NOTCH2NLC: variants seen among roughly 807,000 people sequenced by gnomAD.
The protein encoded by NOTCH2NLC is notch homolog 2 N-terminal-like protein C.
NOTCH2NLC carries 4 observed loss-of-function variants against 17.7 expected under a neutral mutation model. The ratio of observed to expected loss-of-function variants is 0.23; its 90% CI spans 0.11 to 0.52. The LOEUF is 0.52. NOTCH2NLC is among the 20% of genes least tolerant of loss of function. The probability of loss-of-function intolerance (pLI) is 0.96; values close to 1 mark genes in which losing one functional copy is unlikely to be tolerated. For missense variants in NOTCH2NLC, 57 were observed against 207.2 expected (o/e 0.28, Z 4.45); for synonymous variants, 18 against 86.0 (o/e 0.21, Z 4.38).
chr1:149,438,969 G>C (rs1326781145), intron 2 of NOTCH2NLC, among the ~76,000 whole-genome samples: 1 of 148,118 alleles, frequency 6.8e-6, no homozygotes, highest in Non-Finnish European at 1.5e-5. Context: ...TCCCACTTCT[G>C]CCTCCCAAAG....
At chr1:149,435,485 A>G (rs1241272376) in intron 2 of NOTCH2NLC, among the ~76,000 whole-genome samples, 4 of 149,302 alleles carry the variant, frequency 2.7e-5, no homozygotes, top group East Asian at 4.1e-4. Context: ...CTTAGTCATG[A>G]GATAGGGCTC....
At chr1:149,429,910 A>G (rs1198482733) in intron 1 of NOTCH2NLC, among the ~76,000 whole-genome samples, 1 of 150,802 alleles carries the variant, frequency 6.6e-6, no homozygotes, top group African/African-American at 2.4e-5. Context: ...CTTCCAAGAA[A>G]GAGTTCATGA....
intron 1 of NOTCH2NLC, among the ~76,000 whole-genome samples, chr1:149,414,438 G>A (rs2084318725): frequency 1.3e-5 from 2 of 149,970 alleles, no homozygotes; most frequent in South Asian, 4.3e-4. Context: ...GCATTTTTCT[G>A]GCATACTGTA....
Position 149,464,764 on chromosome 1 carries a change from CA to C in NOTCH2NLC, c.*615del, listed in dbSNP as rs1165499442. 1 of 151,176 alleles carries C rather than the reference CA, an allele frequency of 6.6e-6. No homozygotes were observed. Among genetic ancestry groups the C allele is most frequent in the African/African-American group, 2.4e-5 (1 of 41,060 alleles). The allele number at this position is 151,176 out of a possible 1,614,324, so 9.4% of individuals were successfully genotyped here. ...TATACAAATATCCTTAGTACAAAAA[CA>C]AAAGAAGGAAAACTGTAGGGGGGAG... On this transcript the variant is annotated 3_prime_UTR_variant, in exon 5 of 5. Transcript: ENST00000650865.
chr1:149,420,031 T>C (rs2084370564), intron 1 of NOTCH2NLC, among the ~76,000 whole-genome samples: 2 of 145,902 alleles, frequency 1.4e-5, no homozygotes, highest in Admixed American at 6.9e-5. Context: ...CATGCCCAGC[T>C]AATTTTTTTT....
intron 2 of NOTCH2NLC, among the ~76,000 whole-genome samples, chr1:149,450,114 T>TCAGGCCAGACA (rs2084583277): frequency 6.9e-6 from 1 of 145,120 alleles, no homozygotes; most frequent in Non-Finnish European, 1.5e-5. Context: ...GGGCATATGT[T>TCAGGCCAGACA]TTCAGTTATC....
chr1:149,432,559 A>C (rs1419665916), intron 2 of NOTCH2NLC, among the ~76,000 whole-genome samples: 1 of 151,020 alleles, frequency 6.6e-6, no homozygotes, highest in Non-Finnish European at 1.5e-5. Context: ...TAGGCCACTG[A>C]AATCTTGTTT....
Position 149,445,859 on chromosome 1 carries a change from TTTG to T in NOTCH2NLC, c.210-9447_210-9445del, listed in dbSNP as rs1250000797. Among the ~76,000 whole-genome samples, 539 of 147,850 alleles carry T rather than the reference TTTG, an allele frequency of 3.6e-3. 5 individuals are homozygous for T. The highest frequency in any genetic ancestry group is 0.01 in the African/African-American group (415 of 40,298). The stretch of plus-strand genomic sequence containing the variant: ...CTTCTTGTATGTGGTGGGGTTTTGC[TTTG>T]TTGTTGTTGTTTTTTTTTGAATGGC... On this transcript the variant is annotated intron_variant, in intron 2 of 4. Transcript: ENST00000650865.
chr1:149,415,869 C>T (rs1241818243), intron 1 of NOTCH2NLC, among the ~76,000 whole-genome samples: 6 of 149,618 alleles, frequency 4.0e-5, no homozygotes, highest in African/African-American at 1.5e-4. Flanking sequence ...CCTTAGATTT[C>T]TATCACCAAA....
chr1:149,420,130 A>G (rs1181757010), intron 1 of NOTCH2NLC, among the ~76,000 whole-genome samples: 1 of 150,172 alleles, frequency 6.7e-6, no homozygotes, highest in Non-Finnish European at 1.5e-5. Context: ...TCGGCCTCCC[A>G]AAGTGCTGGG....
chr1:149,400,110 ATT>A (rs1226215795), intron 1 of NOTCH2NLC, among the ~76,000 whole-genome samples: 4 of 138,110 alleles, frequency 2.9e-5, no homozygotes, highest in African/African-American at 1.1e-4. Context: ...CTGTTGATTT[ATT>A]TATATATATA....
intron 2 of NOTCH2NLC, among the ~76,000 whole-genome samples, chr1:149,445,617 G>T (rs1460754318): frequency 1.6e-4 from 24 of 150,968 alleles, no homozygotes; most frequent in African/African-American, 2.4e-4. Context: ...AGAGGCCCAG[G>T]GCAAGAAGAA....
chr1:149,419,881 T>TTTTTTC (rs1250543021), intron 1 of NOTCH2NLC, among the ~76,000 whole-genome samples: 3 of 118,394 alleles, frequency 2.5e-5, no homozygotes, highest in Non-Finnish European at 5.4e-5. Flanking sequence ...TTTTTTTTTT[T>TTTTTTC]CCTCAGGCAG....
intron 1 of NOTCH2NLC, among the ~76,000 whole-genome samples, chr1:149,410,473 A>G (rs1252138387): frequency 2.1e-5 from 3 of 144,008 alleles, no homozygotes; most frequent in Non-Finnish European, 3.1e-5. Flanking sequence ...CTAGTGATAC[A>G]AATATGTGTT....
intron 2 of NOTCH2NLC, among the ~76,000 whole-genome samples, chr1:149,437,262 C>T (rs2084487736): frequency 7.8e-6 from 1 of 128,080 alleles, no homozygotes; most frequent in Non-Finnish European, 1.7e-5. Flanking sequence ...ACTCACTAAT[C>T]AAAATAATGT....
rs1238674857 is a variant in NOTCH2NLC at position 149,408,546 on chromosome 1, C to T, written c.135+17624C>T. Among the ~76,000 whole-genome samples the T allele has an allele frequency of 3.3e-5, 5 of 150,564 alleles. 1 individual carries two copies. The Admixed American group carries it at 3.3e-4, about 10-fold the overall frequency. ...AATGTTTTGTTATGGTAGTTTTACA[C>T]ATACACCCACAAGGAAATGTGTATC... is the stretch of plus-strand genomic sequence containing the variant. On this transcript the variant is annotated intron_variant, in intron 1 of 4. Transcript: ENST00000650865.
intron 2 of NOTCH2NLC, among the ~76,000 whole-genome samples, chr1:149,447,173 A>T: frequency 6.7e-6 from 1 of 150,158 alleles, no homozygotes; most frequent in Non-Finnish European, 1.5e-5. Context: ...TTGAACAGGG[A>T]TTTGCAAGTT....
Position 149,413,860 on chromosome 1 carries a change from A to G in NOTCH2NLC, c.136-17082A>G, listed in dbSNP as rs1169495405. ...TTTCAGCATGGTGAGGTGATGATAC[A>G]TGTTGGTCCCCCATGCAGAATGCTG... On this transcript the variant is annotated intron_variant, in intron 1 of 4. Coordinates refer to ENST00000650865, the MANE Select transcript of NOTCH2NLC (RefSeq NM_001364013.2). Among the ~76,000 whole-genome samples the G allele has an allele frequency of 8.6e-5, 13 of 151,098 alleles. 1 individual carries two copies. The highest frequency in any genetic ancestry group is 2.9e-4 in the African/African-American group (12 of 41,144).
At chr1:149,433,299 G>T (rs1200936572) in intron 2 of NOTCH2NLC, among the ~76,000 whole-genome samples, 1 of 137,022 alleles carries the variant, frequency 7.3e-6, no homozygotes, top group Non-Finnish European at 1.6e-5. Flanking sequence ...GGAAAGGGGA[G>T]GGAGAGCATT....
Sources: gnomAD v4.1 joint callset for allele counts (sites outside exome capture counted in the v4.1 genomes callset) on GRCh38, gnomAD v4.1.1 for gene constraint, MANE v1.5 for transcripts, NCBI Gene and HGNC (gene_info 2026-07-23, HGNC 2026-07-21) for gene names.